The following RALGDS variants were observed in gnomAD, a reference collection of about 807,000 sequenced individuals.
The protein encoded by RALGDS is ral guanine nucleotide exchange factor.
RALGDS carries 44 observed loss-of-function variants against 99.8 expected under a neutral mutation model. The ratio of observed to expected loss-of-function variants is 0.44; its 90% CI spans 0.35 to 0.57. The LOEUF (loss-of-function observed/expected upper bound fraction) is 0.57. RALGDS is among the 20% of genes least tolerant of loss of function. The pLI is 0.01. For synonymous variants in RALGDS, 529 were observed against 505.0 expected, an observed-to-expected ratio of 1.05 and a Z score of -0.64; for missense variants, 1,022 against 1,203.1, an observed-to-expected ratio of 0.85 and a Z score of 2.23.
At chr9:133,102,999 A>G in intron 12 of RALGDS, 99 bp from the exon 13 acceptor site, 1 of 1,533,066 alleles carries the variant, frequency 6.5e-7, no homozygotes, top group Non-Finnish European at 8.8e-7. Context: ...CCTCCCCTCT[A>G]CTCCCATCCA....
In RALGDS at chr9:133,108,874, C is replaced by T. The variant is rs766541250; in HGVS notation, c.585-8G>A. ...AGGATGGAGGAGATGGCACTGGGGA[C>T]AGGTGGGTGGCAGCAGAGTCAGAGG... On this transcript the variant is annotated splice_region_variant and splice_polypyrimidine_tract_variant and intron_variant, in intron 4 of 17. Transcript: ENST00000372050. The T allele has an allele frequency of 8.1e-6, 13 of 1,609,000 alleles. No homozygotes were observed. Among genetic ancestry groups the T allele is most frequent in the East Asian group, 6.7e-5 (3 of 44,842 alleles).
chr9:133,104,419 T>G, intron 9 of RALGDS, 88 bp from the exon 10 acceptor site: 2 of 1,240,234 alleles, frequency 1.6e-6, no homozygotes, highest in Non-Finnish European at 2.4e-6. Flanking sequence ...GTGGTCGGGT[T>G]CCAGGGCTGA....
At chr9:133,122,665 GAATTTCT>G (rs1831992081), upstream of RALGDS, among the ~76,000 whole-genome samples, 2 of 152,226 alleles carry the variant, frequency 1.3e-5, no homozygotes, top group African/African-American at 4.8e-5. Flanking sequence ...TTACTTCTCT[GAATTTCT>G]AATTTCTAAA....
chr9:133,133,416 T>G (rs1435877697), upstream of RALGDS, among the ~76,000 whole-genome samples: 2 of 152,198 alleles, frequency 1.3e-5, no homozygotes, highest in African/African-American at 4.8e-5. Context: ...CCCACCCACG[T>G]GGTCCCTGGC....
chr9:133,126,607 A>T lies in RALGDS; in HGVS notation c.132+4345T>A, dbSNP rs573738. Among the ~76,000 whole-genome samples the T allele has an allele frequency of 3.8e-3, 576 of 152,136 alleles. 4 individuals are homozygous for T. The highest frequency in any genetic ancestry group is 0.014 in the Middle Eastern group (4 of 294). On this transcript the variant is annotated intron_variant, in intron 1 of 17. Coordinates refer to the RALGDS transcript ENST00000372062. The stretch of plus-strand genomic sequence containing the variant: ...TCTGACAACTGTCCCCCACTCCCGC[A>T]GTGCCCAGTGCCCGACACCCTGGGG...
intron 1 of RALGDS, 33 bp downstream of exon 1, chr9:133,120,939 G>A: frequency 6.8e-7 from 1 of 1,466,736 alleles, no homozygotes; most frequent in Admixed American, 2.3e-5. Context: ...AGGCTCCGAC[G>A]CACCCCCCGC....
At chr9:133,146,769 G>A (rs892731934) in intron 1 of RALGDS, among the ~76,000 whole-genome samples, 2 of 152,216 alleles carry the variant, frequency 1.3e-5, no homozygotes, top group South Asian at 2.1e-4. Flanking sequence ...GGGGAAGTGA[G>A]TTCTGATGCC....
At position 133,102,024 on chromosome 9, in the gene RALGDS, C is replaced by T. The variant is rs764119929; in HGVS notation, c.2125G>A (p.Val709Met). 5 of 1,554,444 alleles carry T rather than the reference C, an allele frequency of 3.2e-6. No homozygotes were observed. Among genetic ancestry groups the T allele is most frequent in the South Asian group, 1.2e-5 (1 of 84,296 alleles). Residue 709 changes from valine to methionine, a missense_variant, in exon 15 of 18, where the codon GTG (valine) becomes ATG (methionine). Physicochemically the swap from Val to Met is conservative, Grantham distance 21. Coordinates refer to ENST00000372050, the MANE Select transcript of RALGDS (RefSeq NM_006266.4). ...SSGDIADALS[V>M]HSAGSSSSDV... is the part of the protein sequence containing the mutation. ...GAGCTAGAGGAGCCGGCCGAGTGCA[C>T]GCTGAGCGCGTCAGCGATGTCCCCG...
chr9:133,102,928 T>A, intron 12 of RALGDS, 28 bp from the exon 13 acceptor site: 1 of 1,611,720 alleles, frequency 6.2e-7, no homozygotes, highest in South Asian at 1.1e-5. Flanking sequence ...CACAGGGCGG[T>A]GACAAGGCCC....
upstream of RALGDS, among the ~76,000 whole-genome samples, chr9:133,122,679 T>C (rs1831992456): frequency 6.6e-6 from 1 of 152,262 alleles, no homozygotes. Context: ...TTCTAATTTC[T>C]AAAATCAGTA....
chr9:133,102,802 C>T lies in RALGDS; in HGVS notation c.1890G>A (p.Val630=), dbSNP rs1445077844. 1 of 1,613,090 alleles carries T rather than the reference C, an allele frequency of 6.2e-7. No individual in the cohort carries two copies. Among genetic ancestry groups the T allele is most frequent in the Non-Finnish European group, 8.5e-7 (1 of 1,179,956 alleles). The change falls in exon 13 of 18, where the codon GTG becomes GTA. Residue 630 remains valine, a synonymous_variant. Coordinates refer to ENST00000372050, the MANE Select transcript of RALGDS (RefSeq NM_006266.4). ...ACCTCTCAGTCTCGCTGAGCCGCTC[C>T]ACGGCCCGGAACCAGGCCCCAAATT... is the stretch of plus-strand genomic sequence containing the variant. ...DEQFGAWFRA[V]ERLSETESYN...
intron 1 of RALGDS, among the ~76,000 whole-genome samples, chr9:133,143,738 C>CAATAATAATAATAATAAT (rs747330308): frequency 1.0e-4 from 11 of 108,084 alleles, no homozygotes; most frequent in South Asian, 3.8e-4. Flanking sequence ...GACCCTGTCT[C>CAATAATAATAATAATAAT]AATAATAATA....
upstream of RALGDS, among the ~76,000 whole-genome samples, chr9:133,135,349 C>T (rs537114616): frequency 2.9e-4 from 44 of 152,364 alleles, no homozygotes; most frequent in African/African-American, 1.0e-3. Flanking sequence ...CAGCAACTGG[C>T]TGATTCACCC....
chr9:133,137,544 C>T (rs1832447794), intron 1 of RALGDS, among the ~76,000 whole-genome samples: 2 of 152,250 alleles, frequency 1.3e-5, no homozygotes, highest in African/African-American at 4.8e-5. Context: ...CGCCTCTGCT[C>T]ACCTGGCTCC....
Position 133,107,127 on chromosome 9 carries a change from T to C in RALGDS, c.1371A>G (p.Pro457=). 1.2e-6 allele frequency: 2 copies of C among 1,613,750 alleles called. No homozygotes were observed. Among genetic ancestry groups the C allele is most frequent in the Non-Finnish European group, 1.7e-6 (2 of 1,180,044 alleles). ...TCLGNRSTKA[P]DRARVVEHWI... is the part of the protein sequence containing the mutation. ...AGTGCTCCACCACCCTGGCCCTGTC[T>C]GGGGCTTTCGTGCTTCGGTTCCCGA... Residue 457 remains proline, a synonymous_variant, in exon 7 of 18, where the codon CCA becomes CCG. Transcript: ENST00000372050.
chr9:133,106,820 G>T, intron 7 of RALGDS, 72 bp from the exon 8 acceptor site: 1 of 1,223,494 alleles, frequency 8.2e-7, no homozygotes, highest in Non-Finnish European at 1.2e-6. Context: ...GTCCCCCTTG[G>T]CCAAGCCTCC....
chr9:133,107,988 C>T lies in RALGDS; in HGVS notation c.1197G>A (p.Ala399=), dbSNP rs768762531. ...LVAEQFTLMD[A]ELFKKVVPYH... ...TGCCCTGCCAAGCTGAGCTGCTCAC[C>T]GCATCCATCAGTGTAAACTGCTCTG... Residue 399 remains alanine, a splice_region_variant and synonymous_variant, in exon 6 of 18, where the codon GCG becomes GCA. Transcript: ENST00000372050. 13 of 1,612,894 alleles carry T rather than the reference C, an allele frequency of 8.1e-6. No individual in the cohort carries two copies. Among genetic ancestry groups the T allele is most frequent in the East Asian group, 2.2e-5 (1 of 44,898 alleles).
At chr9:133,105,580 G>A (rs1234057159) in intron 9 of RALGDS, among the ~76,000 whole-genome samples, 1 of 152,092 alleles carries the variant, frequency 6.6e-6, no homozygotes, top group South Asian at 2.1e-4. Flanking sequence ...GACTGGGCCG[G>A]TGTGGGGGCA....
At chr9:133,139,139 C>CAG (rs1268072480) in intron 1 of RALGDS, among the ~76,000 whole-genome samples, 1 of 152,208 alleles carries the variant, frequency 6.6e-6, no homozygotes, top group Non-Finnish European at 1.5e-5. Flanking sequence ...CACCCAAAGG[C>CAG]AGAGAGATGC....
Sources: gnomAD v4.1 joint callset for allele counts (sites outside exome capture counted in the v4.1 genomes callset) on GRCh38, gnomAD v4.1.1 for gene constraint, MANE v1.5 for transcripts, NCBI Gene and HGNC (gene_info 2026-07-23, HGNC 2026-07-21) for gene names.